TRIT1: variants seen among roughly 807,000 people sequenced by gnomAD.
TRIT1 encodes tRNA isopentenyltransferase 1.
In TRIT1, 43 loss-of-function variants were observed where a neutral mutation model predicts 51.2. That is an observed-to-expected ratio of 0.84 (90% confidence interval 0.66 to 1.08). The LOEUF is 1.08. Among genes scored for constraint, TRIT1 ranks in the 50% least tolerant of loss-of-function variants. TRIT1 has a pLI of 0.00. For synonymous variants in TRIT1, 184 were observed against 203.9 expected, an observed-to-expected ratio of 0.90 and a Z score of 0.83; for missense variants, 528 against 578.4, an observed-to-expected ratio of 0.91 and a Z score of 0.89.
intron 1 of TRIT1, among the ~76,000 whole-genome samples, chr1:39,872,302 C>T (rs1467788204): frequency 1.3e-5 from 2 of 151,938 alleles, no homozygotes; most frequent in African/African-American, 2.4e-5. Context: ...GCATTACAAA[C>T]GTCTGATATA....
At chr1:39,876,725 G>A (rs1644068961) in intron 1 of TRIT1, among the ~76,000 whole-genome samples, 1 of 151,870 alleles carries the variant, frequency 6.6e-6, no homozygotes, top group South Asian at 2.1e-4. Context: ...TCAGGAGATT[G>A]AGACCATCCT....
chr1:39,843,076 T>TCTTCCC (rs1642013345), intron 10 of TRIT1, among the ~76,000 whole-genome samples: 1 of 152,248 alleles, frequency 6.6e-6, no homozygotes, highest in Non-Finnish European at 1.5e-5. Context: ...ACTCTCTTTC[T>TCTTCCC]CTTCCCCTTT....
intron 1 of TRIT1, among the ~76,000 whole-genome samples, chr1:39,864,349 C>T (rs1273247416): frequency 1.3e-5 from 2 of 151,844 alleles, no homozygotes; most frequent in African/African-American, 4.8e-5. Flanking sequence ...GTGGCTCATA[C>T]CTGTAATCCC....
Position 39,844,143 on chromosome 1 carries a change from C to T in TRIT1, c.1192G>A (p.Asp398Asn), listed in dbSNP as rs1012285259. ...AENKRSYHLC[D>N]LCDRIIIGDR... The stretch of plus-strand genomic sequence containing the variant: ...CCAATGATGATTCGATCACAGAGGT[C>T]ACACAGGTGATAACTTCTCTTGTTC... Residue 398 changes from aspartate to asparagine, a missense_variant, in exon 10 of 11, where the codon GAC (aspartate) becomes AAC (asparagine). Physicochemically the swap from Asp to Asn is conservative, Grantham distance 23. Around this residue, in one of 3 missense-constraint regions of TRIT1, gnomAD observed 468 missense variants for 522.6 expected, o/e 0.90. Transcript: ENST00000316891. 6.2e-7 allele frequency: 1 copy of T among 1,614,058 alleles called. No homozygotes were observed. Among genetic ancestry groups the T allele is most frequent in the Non-Finnish European group, 8.5e-7 (1 of 1,180,018 alleles).
intron 10 of TRIT1, among the ~76,000 whole-genome samples, chr1:39,842,321 G>A (rs1024040394): frequency 6.6e-6 from 1 of 152,166 alleles, no homozygotes; most frequent in Non-Finnish European, 1.5e-5. Flanking sequence ...CCAGAATCAG[G>A]TCTCTGTAGT....
At chr1:39,846,241 G>A (rs909448385) in intron 8 of TRIT1, among the ~76,000 whole-genome samples, 1 of 152,174 alleles carries the variant, frequency 6.6e-6, no homozygotes, top group African/African-American at 2.4e-5. Context: ...GCAGTTTAGT[G>A]GTCAACAGCA....
At chr1:39,870,823 C>T (rs1643856759) in intron 1 of TRIT1, among the ~76,000 whole-genome samples, 1 of 152,150 alleles carries the variant, frequency 6.6e-6, no homozygotes. Flanking sequence ...TGAAATTTCA[C>T]ACTAAAACCT....
At chr1:39,866,952 CT>C (rs1384894083) in intron 1 of TRIT1, among the ~76,000 whole-genome samples, 13 of 152,172 alleles carry the variant, frequency 8.5e-5, no homozygotes. Flanking sequence ...GATTGCACCA[CT>C]GCACTCCAGC....
At chr1:39,845,450 G>T (rs1557531087) in intron 8 of TRIT1, among the ~76,000 whole-genome samples, 2 of 152,242 alleles carry the variant, frequency 1.3e-5, no homozygotes, top group African/African-American at 4.8e-5. Context: ...TCGCCCATGG[G>T]CAAAAACATC....
At chr1:39,866,648 T>C (rs552072661) in intron 1 of TRIT1, among the ~76,000 whole-genome samples, 18 of 152,114 alleles carry the variant, frequency 1.2e-4, no homozygotes, top group Non-Finnish European at 2.4e-4. Context: ...GTAGATATGC[T>C]GAATAAACTG....
chr1:39,880,268 T>TAA (rs1553148795), intron 1 of TRIT1, among the ~76,000 whole-genome samples: 183 of 94,870 alleles, frequency 1.9e-3, no homozygotes, highest in African/African-American at 4.2e-3. Context: ...AGACCTCAAA[T>TAA]AAAAAAAAAA....
At chr1:39,871,116 C>T (rs538142393) in intron 1 of TRIT1, among the ~76,000 whole-genome samples, 1 of 152,176 alleles carries the variant, frequency 6.6e-6, no homozygotes, top group African/African-American at 2.4e-5. Flanking sequence ...TCATTTGAAC[C>T]CGGGAGGCGG....
chr1:39,855,864 C>A (rs1255303913), intron 2 of TRIT1, among the ~76,000 whole-genome samples: 3 of 152,126 alleles, frequency 2.0e-5, no homozygotes, highest in Admixed American at 6.5e-5. Context: ...GTATCTAGTA[C>A]CTTCACCTGT....
rs768019059 is a variant in TRIT1, at chr1:39,852,738, CTT to C, written c.551_552del (p.Lys184SerfsTer9). ...CGCGCCAGGCTTTCTTACCTGGCCACTTTGCGTTTGTCATGTGGATGCAGCTT... is the reference window on the plus strand; with the variant it reads ...CGCGCCAGGCTTTCTTACCTGGCCACTGCGTTTGTCATGTGGATGCAGCTT... ...AAKLHPHDKRKVARSLQVFEE... is the reference protein window; with the variant it reads ...AAKLHPHDKRXVARSLQVFEE... On this transcript the variant is annotated frameshift_variant, in exon 4 of 11. Coordinates refer to ENST00000316891, the MANE Select transcript of TRIT1 (RefSeq NM_017646.6). LOFTEE classifies it high-confidence loss of function. 6.2e-7 allele frequency: 1 copy of C among 1,613,530 alleles called. No individual in the cohort carries two copies. Among genetic ancestry groups the C allele is most frequent in the Non-Finnish European group, 8.5e-7 (1 of 1,179,822 alleles).
intron 1 of TRIT1, among the ~76,000 whole-genome samples, chr1:39,862,008 T>A (rs2124636252): frequency 6.6e-6 from 1 of 151,520 alleles, no homozygotes; most frequent in East Asian, 1.9e-4. Context: ...GAACATACTA[T>A]GCTAAGTTAA....
chr1:39,849,505 A>G (rs1377945948), intron 5 of TRIT1, among the ~76,000 whole-genome samples: 1 of 152,168 alleles, frequency 6.6e-6, no homozygotes, highest in African/African-American at 2.4e-5. Flanking sequence ...CTGAAAATAT[A>G]TCTAGCCCAG....
intron 10 of TRIT1, among the ~76,000 whole-genome samples, chr1:39,843,429 G>GT (rs1425772573): frequency 1.3e-5 from 2 of 152,192 alleles, no homozygotes; most frequent in East Asian, 3.8e-4. Context: ...AATGATGTGT[G>GT]TGCAGTGTGA....
intron 1 of TRIT1, among the ~76,000 whole-genome samples, chr1:39,864,273 A>G (rs924455906): frequency 2.0e-5 from 3 of 151,792 alleles, no homozygotes; most frequent in Admixed American, 6.6e-5. Flanking sequence ...TACACATCCA[A>G]TGATGCACTC....
chr1:39,869,857 C>A (rs1453054654), intron 1 of TRIT1, among the ~76,000 whole-genome samples: 3 of 151,984 alleles, frequency 2.0e-5, no homozygotes, highest in Admixed American at 6.5e-5. Context: ...AAGTGAGGAG[C>A]GTCTCTGCCA....
Sources: gnomAD v4.1 joint callset for allele counts (sites outside exome capture counted in the v4.1 genomes callset) on GRCh38, gnomAD v4.1.1 for gene constraint, gnomAD v4.1.1 regional missense constraint, MANE v1.5 for transcripts, NCBI Gene and HGNC (gene_info 2026-07-23, HGNC 2026-07-21) for gene names.